Variants in TOM1L2 observed in about 807,000 individuals in gnomAD.
The protein encoded by TOM1L2 is TOM1-like protein 2.
Under a neutral mutation model 67.9 loss-of-function variants are expected in TOM1L2, and 31 were observed. The observed-to-expected ratio is 0.46, with a 90% CI of 0.34 to 0.62. TOM1L2 has a LOEUF of 0.62. TOM1L2 is among the 20% of genes least tolerant of loss of function. The pLI is 0.01. For missense variants in TOM1L2, 606 were observed against 663.5 expected (o/e 0.91, Z 0.95); for synonymous variants, 256 against 254.0 (o/e 1.01, Z -0.07).
At chr17:17,931,714 T>G (rs2040342842) in intron 1 of TOM1L2, among the ~76,000 whole-genome samples, 1 of 152,216 alleles carries the variant, frequency 6.6e-6, no homozygotes, top group South Asian at 2.1e-4. Flanking sequence ...TGACATGCAG[T>G]AGCTTCATGC....
chr17:17,924,136 CAAACAA>C (rs57147966), intron 1 of TOM1L2, among the ~76,000 whole-genome samples: 2,335 of 152,108 alleles, frequency 0.015, 70 homozygotes, highest in African/African-American at 0.053. Flanking sequence ...GACTCTGTCT[CAAACAA>C]AAACAAAAAC....
At chr17:17,863,080 A>AT (rs1361395041) in intron 10 of TOM1L2, among the ~76,000 whole-genome samples, 3 of 152,228 alleles carry the variant, frequency 2.0e-5, no homozygotes, top group Non-Finnish European at 4.4e-5. Flanking sequence ...CGAAAGAGTC[A>AT]TAACAAAAAA....
intron 1 of TOM1L2, among the ~76,000 whole-genome samples, chr17:17,926,733 C>G (rs1316879679): frequency 6.6e-6 from 1 of 152,040 alleles, no homozygotes; most frequent in Admixed American, 6.6e-5. Context: ...TAGCACACGC[C>G]TGTAATCCCA....
intron 1 of TOM1L2, among the ~76,000 whole-genome samples, chr17:17,950,659 T>A (rs1424568752): frequency 6.6e-6 from 1 of 152,228 alleles, no homozygotes; most frequent in Non-Finnish European, 1.5e-5. Context: ...TTGATTTCAA[T>A]GTATTTATTT....
rs1315779172 is a variant in TOM1L2 at position 17,869,479 on chromosome 17, G to A, written c.778-6C>T. 1 of 1,600,770 alleles carries A rather than the reference G, an allele frequency of 6.2e-7. No individual in the cohort carries two copies. Among genetic ancestry groups the A allele is most frequent in the Non-Finnish European group, 8.5e-7 (1 of 1,172,746 alleles). ...CGACAGGTCCTGTTGAGCTCCTAGG[G>A]AACACATGCACCTCTGGGTAGCCTG... On this transcript the variant is annotated splice_region_variant and splice_polypyrimidine_tract_variant and intron_variant, in intron 7 of 14. Transcript: ENST00000379504.
chr17:17,851,999 C>T (rs2036006034), intron 12 of TOM1L2, among the ~76,000 whole-genome samples: 1 of 152,212 alleles, frequency 6.6e-6, no homozygotes, highest in African/African-American at 2.4e-5. Context: ...GGAATGTTGG[C>T]TCCCAGCCTA....
intron 1 of TOM1L2, among the ~76,000 whole-genome samples, chr17:17,936,670 T>C (rs1317383716): frequency 6.6e-6 from 1 of 152,222 alleles, no homozygotes; most frequent in Non-Finnish European, 1.5e-5. Flanking sequence ...AGTCATTTAA[T>C]AATGATATTT....
intron 7 of TOM1L2, among the ~76,000 whole-genome samples, chr17:17,874,325 CG>C (rs1316714821): frequency 1.3e-5 from 2 of 151,692 alleles, no homozygotes; most frequent in African/African-American, 4.8e-5. Context: ...GGCTGGAGTA[CG>C]GTGGTACGAT....
At chr17:17,914,490 T>C (rs1568261575) in intron 1 of TOM1L2, among the ~76,000 whole-genome samples, 1 of 152,184 alleles carries the variant, frequency 6.6e-6, no homozygotes, top group Non-Finnish European at 1.5e-5. Context: ...CTTTCCCACA[T>C]GCATGAAAAG....
rs559125758 is a variant in TOM1L2 at position 17,884,323 on chromosome 17, C to T, written c.501+311G>A. On this transcript the variant is annotated intron_variant, in intron 5 of 14. Coordinates refer to ENST00000379504, the MANE Select transcript of TOM1L2 (RefSeq NM_001082968.2). ...GACAACAGGATTCCCACACCAGATT[C>T]TAGGGGCCTCTGAAAAGCAGGTGCT... Among the ~76,000 whole-genome samples the T allele has an allele frequency of 4.8e-4, 73 of 152,288 alleles. 1 individual carries two copies. In the South Asian group the frequency reaches 0.015, roughly 30 times the overall value.
At chr17:17,915,014 G>A (rs1209638627) in intron 1 of TOM1L2, among the ~76,000 whole-genome samples, 1 of 152,084 alleles carries the variant, frequency 6.6e-6, no homozygotes, top group Non-Finnish European at 1.5e-5. Flanking sequence ...TATAGCTTTT[G>A]TTTGGATGTG....
intron 8 of TOM1L2, 106 bp downstream of exon 8, chr17:17,869,234 A>T: frequency 1.3e-6 from 2 of 1,553,966 alleles, no homozygotes; most frequent in Non-Finnish European, 1.7e-6. Flanking sequence ...TCCAACTCTA[A>T]TCTCTCTCCC....
chr17:17,946,357 C>T (rs6502627), intron 1 of TOM1L2, among the ~76,000 whole-genome samples: 74,066 of 151,846 alleles, frequency 0.49, 19,098 homozygotes, highest in East Asian at 0.86. Context: ...TACCTGTTAG[C>T]AGTCACTTCC....
At position 17,882,700 on chromosome 17, in the gene TOM1L2, A is replaced by G; in HGVS notation, c.660+5T>C. 1 of 1,613,664 alleles carries G rather than the reference A, an allele frequency of 6.2e-7. No homozygotes were observed. Among genetic ancestry groups the G allele is most frequent in the Non-Finnish European group, 8.5e-7 (1 of 1,179,586 alleles). On this transcript the variant is annotated splice_donor_5th_base_variant and intron_variant, in intron 6 of 14. Transcript: ENST00000379504. Reference sequence around the variant, plus strand: ...CTTGCCTATGGCCCCGAAGTATGCAAGTACCTGTTCTGAATTGGCTGTGAT... The same window carrying G: ...CTTGCCTATGGCCCCGAAGTATGCAGGTACCTGTTCTGAATTGGCTGTGAT...
chr17:17,913,258 C>CGGGGGAGACCGTGGGGAGAT (rs2039484227), intron 1 of TOM1L2, among the ~76,000 whole-genome samples: 2 of 143,356 alleles, frequency 1.4e-5, no homozygotes, highest in Admixed American at 6.7e-5. Context: ...CGTGGGGAGA[C>CGGGGGAGACCGTGGGGAGAT]GGGAGAGGGA....
At chr17:17,962,006 G>A (rs1252198085) in intron 1 of TOM1L2, among the ~76,000 whole-genome samples, 1 of 152,048 alleles carries the variant, frequency 6.6e-6, no homozygotes, top group African/African-American at 2.4e-5. Flanking sequence ...AACAAAATGT[G>A]GTATAAACAC....
intron 1 of TOM1L2, among the ~76,000 whole-genome samples, chr17:17,957,741 A>G (rs2041518276): frequency 2.0e-5 from 3 of 151,766 alleles, no homozygotes. Context: ...CAGGCTATAC[A>G]CACACACACG....
chr17:17,934,264 G>A (rs1268102529), intron 1 of TOM1L2, among the ~76,000 whole-genome samples: 1 of 152,172 alleles, frequency 6.6e-6, no homozygotes, highest in Non-Finnish European at 1.5e-5. Context: ...GGGCAACATA[G>A]TGAGACTTTG....
chr17:17,950,202 G>A (rs1403470806), intron 1 of TOM1L2, among the ~76,000 whole-genome samples: 1 of 151,952 alleles, frequency 6.6e-6, no homozygotes, highest in Non-Finnish European at 1.5e-5. Flanking sequence ...TGTCGCCCAG[G>A]CTGGAGTGCA....
Sources: gnomAD v4.1 joint callset for allele counts (sites outside exome capture counted in the v4.1 genomes callset) on GRCh38, gnomAD v4.1.1 for gene constraint, MANE v1.5 for transcripts, NCBI Gene and HGNC (gene_info 2026-07-23, HGNC 2026-07-21) for gene names.